SLC39A12: variants seen among roughly 807,000 people sequenced by gnomAD.
SLC39A12 encodes solute carrier family 39 member 12, also known as zinc transporter ZIP12.
SLC39A12 carries 63 observed loss-of-function variants against 71.1 expected under a neutral mutation model. The ratio of observed to expected loss-of-function variants is 0.89; its 90% CI spans 0.72 to 1.09. The LOEUF (loss-of-function observed/expected upper bound fraction) is 1.09, where lower values mean the gene tolerates loss of function less well. SLC39A12 is among the 50% of genes least tolerant of loss of function. The pLI is 0.00. For synonymous variants in SLC39A12, 351 were observed against 301.3 expected (o/e 1.16, Z -1.71); for missense variants, 892 against 812.6 (o/e 1.10, Z -1.19).
chr10:18,022,830 G>C (rs1836571445), intron 12 of SLC39A12, among the ~76,000 whole-genome samples: 1 of 152,194 alleles, frequency 6.6e-6, no homozygotes, highest in Non-Finnish European at 1.5e-5. Flanking sequence ...TTTCCAGAGG[G>C]CCAAGGCTTT....
Position 17,976,093 on chromosome 10 carries a change from A to G in SLC39A12, c.752-1809A>G, listed in dbSNP as rs114783045. Among the ~76,000 whole-genome samples the G allele has an allele frequency of 4.5e-3, 681 of 152,304 alleles. 4 individuals are homozygous for G. Among genetic ancestry groups the G allele is most frequent in the African/African-American group, 0.015 (640 of 41,570 alleles). ...TCAAGACTGTTTTTTCTGCCTCTTC[A>G]GTGCCTATTTCAGTAATATGAAGTT... On this transcript the variant is annotated intron_variant, in intron 4 of 12. Coordinates refer to ENST00000377369, the MANE Select transcript of SLC39A12 (RefSeq NM_001145195.2).
intron 12 of SLC39A12, among the ~76,000 whole-genome samples, chr10:18,026,445 G>C (rs1462761198): frequency 2.0e-5 from 3 of 151,934 alleles, no homozygotes; most frequent in Non-Finnish European, 2.9e-5. Flanking sequence ...TTAAAGGTGA[G>C]ATATTTTTTT....
intron 12 of SLC39A12, among the ~76,000 whole-genome samples, chr10:18,027,463 C>T (rs958157324): frequency 2.6e-5 from 4 of 152,348 alleles, no homozygotes; most frequent in African/African-American, 9.6e-5. Context: ...GAAGATTTTT[C>T]TCCAGTGTTC....
At chr10:18,001,143 A>G (rs1835822338) in intron 11 of SLC39A12, among the ~76,000 whole-genome samples, 1 of 152,204 alleles carries the variant, frequency 6.6e-6, no homozygotes, top group Non-Finnish European at 1.5e-5. Flanking sequence ...AAATCTGCAT[A>G]TTAAATGTGA....
At chr10:18,000,045 C>T (rs1372465854) in intron 10 of SLC39A12, among the ~76,000 whole-genome samples, 1 of 152,180 alleles carries the variant, frequency 6.6e-6, no homozygotes, top group African/African-American at 2.4e-5. Context: ...GGCTTATCAA[C>T]AAAAAGTTCT....
At chr10:18,033,965 G>A (rs1351064886) in intron 12 of SLC39A12, among the ~76,000 whole-genome samples, 1 of 149,204 alleles carries the variant, frequency 6.7e-6, no homozygotes, top group Admixed American at 6.7e-5. Flanking sequence ...GTGGCTTTGA[G>A]TGAGATTCTT....
At chr10:17,993,160 T>C (rs1420753651) in intron 8 of SLC39A12, 21 bp from the exon 9 acceptor site, 2 of 1,528,930 alleles carry the variant, frequency 1.3e-6, no homozygotes, top group African/African-American at 1.4e-5. Context: ...TCAACACTAA[T>C]TTTAAACCAT....
chr10:18,032,491 A>G (rs1438092955), intron 12 of SLC39A12, among the ~76,000 whole-genome samples: 1 of 136,444 alleles, frequency 7.3e-6, no homozygotes, highest in Non-Finnish European at 1.6e-5. Flanking sequence ...ATTTTTGTAC[A>G]TTGATTTTGT....
chr10:18,029,052 T>C (rs1284648556), intron 12 of SLC39A12, among the ~76,000 whole-genome samples: 1 of 151,224 alleles, frequency 6.6e-6, no homozygotes, highest in African/African-American at 2.4e-5. Flanking sequence ...TTTTGTTTTT[T>C]AGTAGAGGTG....
intron 12 of SLC39A12, among the ~76,000 whole-genome samples, chr10:18,016,017 T>C (rs890443422): frequency 6.6e-6 from 1 of 152,188 alleles, no homozygotes; most frequent in African/African-American, 2.4e-5. Flanking sequence ...ATACATCTGT[T>C]ACAATTCACA....
At chr10:18,021,851 G>A (rs558526529) in intron 12 of SLC39A12, among the ~76,000 whole-genome samples, 3 of 152,250 alleles carry the variant, frequency 2.0e-5, no homozygotes, top group African/African-American at 7.2e-5. Context: ...TGTCTGTAAA[G>A]GATTTTATTT....
intron 12 of SLC39A12, chr10:18,009,811 T>G (rs1836149731): frequency 6.6e-6 from 1 of 152,180 alleles, no homozygotes; most frequent in Non-Finnish European, 1.5e-5. Flanking sequence ...TCTTCTACCT[T>G]TAAAACATAT....
intron 2 of SLC39A12, among the ~76,000 whole-genome samples, chr10:17,961,368 A>T (rs1336650619): frequency 2.6e-5 from 4 of 152,192 alleles, no homozygotes; most frequent in African/African-American, 9.6e-5. Context: ...CTAGTTGGAG[A>T]CAGGAATTAT....
At chr10:17,960,311 T>C (rs2130777064) in intron 2 of SLC39A12, among the ~76,000 whole-genome samples, 1 of 152,322 alleles carries the variant, frequency 6.6e-6, no homozygotes, top group Non-Finnish European at 1.5e-5. Context: ...AATGGGAAAC[T>C]TATGCCCTGC....
intron 11 of SLC39A12, among the ~76,000 whole-genome samples, chr10:18,001,452 T>C (rs2130843498): frequency 6.6e-6 from 1 of 152,306 alleles, no homozygotes; most frequent in South Asian, 2.1e-4. Context: ...AGGTGGAGGT[T>C]GCAGTGAGCT....
intron 10 of SLC39A12, 76 bp from the exon 11 acceptor site, chr10:18,000,591 T>A: frequency 7.4e-7 from 1 of 1,357,496 alleles, no homozygotes. Context: ...GGTGGGAAGG[T>A]TGGTTGGTTT....
At chr10:17,959,423 TG>T (rs1285951773) in intron 2 of SLC39A12, among the ~76,000 whole-genome samples, 4 of 152,286 alleles carry the variant, frequency 2.6e-5, no homozygotes, top group African/African-American at 7.2e-5. Flanking sequence ...GATTTGGAGA[TG>T]GATGACATTT....
intron 4 of SLC39A12, among the ~76,000 whole-genome samples, chr10:17,976,964 G>C (rs692594): frequency 0.5 from 75,360 of 151,852 alleles, 18,883 homozygotes; most frequent in East Asian, 0.62. Context: ...TTACAAGTCT[G>C]TGAACACTTG....
chr10:18,036,191 G>C (rs577221895), intron 12 of SLC39A12, among the ~76,000 whole-genome samples: 4 of 152,342 alleles, frequency 2.6e-5, no homozygotes, highest in Non-Finnish European at 5.9e-5. Context: ...TCCAGCTTCA[G>C]GGCTGCTTTG....
Sources: gnomAD v4.1 joint callset for allele counts (sites outside exome capture counted in the v4.1 genomes callset) on GRCh38, gnomAD v4.1.1 for gene constraint, MANE v1.5 for transcripts, NCBI Gene and HGNC (gene_info 2026-07-23, HGNC 2026-07-21) for gene names.